The following STPG2 variants were observed in gnomAD, a reference collection of about 807,000 sequenced individuals.
STPG2 encodes sperm tail PG-rich repeat containing 2.
In STPG2, 56 loss-of-function variants were observed where a neutral mutation model predicts 54.2. The observed-to-expected ratio is 1.03, with a 90% CI of 0.83 to 1.29. The LOEUF (loss-of-function observed/expected upper bound fraction) is 1.29. STPG2 is among the 50% of genes most tolerant of loss of function. The probability of loss-of-function intolerance (pLI) is 0.00; values close to 1 mark genes in which losing one functional copy is unlikely to be tolerated. For synonymous variants in STPG2, 200 were observed against 181.8 expected, an observed-to-expected ratio of 1.10 and a Z score of -0.81; for missense variants, 596 against 544.9, an observed-to-expected ratio of 1.09 and a Z score of -0.93.
At chr4:97,814,189 T>G (rs2149099223) in intron 9 of STPG2, among the ~76,000 whole-genome samples, 1 of 152,318 alleles carries the variant, frequency 6.6e-6, no homozygotes, top group South Asian at 2.1e-4. Context: ...TAATTTCACT[T>G]TAGTGACTTA....
chr4:97,819,639 C>T (rs1049925958), intron 9 of STPG2, among the ~76,000 whole-genome samples: 23 of 152,008 alleles, frequency 1.5e-4, no homozygotes, highest in African/African-American at 5.5e-4. Context: ...AAAAATTATG[C>T]TGTCAACATC....
At chr4:97,813,210 T>C (rs1310488465) in intron 9 of STPG2, among the ~76,000 whole-genome samples, 1 of 151,526 alleles carries the variant, frequency 6.6e-6, no homozygotes, top group African/African-American at 2.4e-5. Context: ...ACGCTAGGTA[T>C]AACTGTGCAG....
intron 9 of STPG2, among the ~76,000 whole-genome samples, chr4:97,738,235 G>A (rs1176536941): frequency 6.6e-6 from 1 of 152,062 alleles, no homozygotes; most frequent in Non-Finnish European, 1.5e-5. Flanking sequence ...AAGGAACAAT[G>A]GGTACCAGCC....
intron 4 of STPG2, among the ~76,000 whole-genome samples, chr4:97,551,624 A>G (rs1168700610): frequency 6.6e-6 from 1 of 152,256 alleles, no homozygotes; most frequent in Admixed American, 6.5e-5. Context: ...TTTCATCTCT[A>G]TTGAATATCA....
At chr4:98,140,017 T>A (rs1740236305) in intron 1 of STPG2, among the ~76,000 whole-genome samples, 1 of 152,166 alleles carries the variant, frequency 6.6e-6, no homozygotes, top group South Asian at 2.1e-4. Context: ...TTAATTACAA[T>A]ATAGAATCAA....
At chr4:97,909,080 C>T (rs776955677) in intron 8 of STPG2, among the ~76,000 whole-genome samples, 6 of 149,692 alleles carry the variant, frequency 4.0e-5, no homozygotes, top group Admixed American at 2.0e-4. Flanking sequence ...ACCCATCAAG[C>T]CCCAATAAAC....
At chr4:97,728,914 TGAGAGAAAGAGAGA>T (rs1724705108) in intron 9 of STPG2, among the ~76,000 whole-genome samples, 1 of 151,538 alleles carries the variant, frequency 6.6e-6, no homozygotes, top group Admixed American at 6.6e-5. Flanking sequence ...TGTGTGTGTG[TGAGAGAAAGAGAGA>T]GAGAGAAAGA....
chr4:97,763,113 T>C (rs1360009686), intron 9 of STPG2, among the ~76,000 whole-genome samples: 1 of 152,172 alleles, frequency 6.6e-6, no homozygotes, highest in Non-Finnish European at 1.5e-5. Context: ...GGTACTATGT[T>C]TGTGTTCAAT....
intron 5 of STPG2, among the ~76,000 whole-genome samples, chr4:98,010,960 AT>A (rs1277767582): frequency 6.6e-6 from 1 of 151,996 alleles, no homozygotes; most frequent in Non-Finnish European, 1.5e-5. Flanking sequence ...TAACTTTGTA[AT>A]TTTTTTATTT....
intron 8 of STPG2, among the ~76,000 whole-genome samples, chr4:97,910,398 G>A (rs1257224243): frequency 6.6e-6 from 1 of 152,172 alleles, no homozygotes; most frequent in Non-Finnish European, 1.5e-5. Flanking sequence ...ACTCATAGGT[G>A]AAACTAAAAT....
At chr4:97,744,010 G>T (rs770281380) in intron 9 of STPG2, among the ~76,000 whole-genome samples, 57 of 151,412 alleles carry the variant, frequency 3.8e-4, no homozygotes, top group Non-Finnish European at 5.5e-4. Context: ...GGACTGAAAA[G>T]GAGAGTTAGA....
At chr4:98,076,805 A>T (rs1456147766) in intron 5 of STPG2, among the ~76,000 whole-genome samples, 1 of 152,180 alleles carries the variant, frequency 6.6e-6, no homozygotes, top group Admixed American at 6.5e-5. Context: ...AAAGGATACA[A>T]TTTTACATTT....
In STPG2 at chr4:98,062,257, CACA is replaced by C. The variant is rs765736212; in HGVS notation, c.612+43693_612+43695del. Among the ~76,000 whole-genome samples, 644 of 126,028 alleles carry C rather than the reference CACA, an allele frequency of 5.1e-3. 3 individuals are homozygous for C. Among genetic ancestry groups the C allele is most frequent in the South Asian group, 0.031 (118 of 3,832 alleles). The allele number at this position is 126,028 out of a possible 152,430, so 82.7% of individuals were successfully genotyped here. On this transcript the variant is annotated intron_variant, in intron 5 of 10. Coordinates refer to ENST00000295268, the MANE Select transcript of STPG2 (RefSeq NM_174952.3). ...TGGGAGCAAAATAAGAATTTATGAA[CACA>C]AAGAAGCAAACAACAGACACTGCTG... is the stretch of plus-strand genomic sequence containing the variant.
intron 8 of STPG2, among the ~76,000 whole-genome samples, chr4:97,904,461 C>T (rs537738165): frequency 6.6e-6 from 1 of 152,316 alleles, no homozygotes; most frequent in Non-Finnish European, 1.5e-5. Context: ...TGTACATCAC[C>T]ATCATCAAAG....
chr4:97,461,658 C>T (rs1729667330), intron 4 of STPG2, among the ~76,000 whole-genome samples: 1 of 152,150 alleles, frequency 6.6e-6, no homozygotes, highest in Non-Finnish European at 1.5e-5. Flanking sequence ...TACAGCAGCC[C>T]AAACTGACTA....
chr4:97,905,637 C>G (rs200445327), intron 8 of STPG2, among the ~76,000 whole-genome samples: 1 of 151,982 alleles, frequency 6.6e-6, no homozygotes, highest in East Asian at 1.9e-4. Context: ...GGACTAAATG[C>G]TCCATTAAAA....
intron 4 of STPG2, among the ~76,000 whole-genome samples, chr4:97,498,857 C>G (rs569160309): frequency 6.6e-6 from 1 of 151,840 alleles, no homozygotes; most frequent in South Asian, 2.1e-4. Context: ...ACAAAACTCA[C>G]AAGCACAACC....
chr4:97,745,700 T>G (rs1024759207), intron 9 of STPG2, among the ~76,000 whole-genome samples: 1 of 151,146 alleles, frequency 6.6e-6, no homozygotes, highest in Non-Finnish European at 1.5e-5. Context: ...GCTATGCTGA[T>G]TTACATAGGA....
chr4:97,564,722 G>T (rs1205559288), intron 10 of STPG2, among the ~76,000 whole-genome samples: 2 of 152,072 alleles, frequency 1.3e-5, no homozygotes, highest in Non-Finnish European at 2.9e-5. Context: ...TGAAATTCTG[G>T]GTTGAAAATT....
Sources: allele counts gnomAD v4.1 joint callset (sites outside exome capture counted in the v4.1 genomes callset), GRCh38; gene constraint gnomAD v4.1.1; transcripts MANE v1.5; gene names NCBI Gene and HGNC (gene_info 2026-07-23, HGNC 2026-07-21).